Variants in CCDC73 observed in about 807,000 individuals in gnomAD.
CCDC73 encodes coiled-coil domain containing 73.
Under a neutral mutation model 116.5 loss-of-function variants are expected in CCDC73, and 95 were observed. That is an observed-to-expected ratio of 0.82 (90% confidence interval 0.69 to 0.97). The LOEUF is 0.97. Ranked by LOEUF, CCDC73 falls within the 50% of genes least tolerant of loss-of-function variation. The probability of loss-of-function intolerance (pLI) is 0.00; values close to 1 mark genes in which losing one functional copy is unlikely to be tolerated. For synonymous variants in CCDC73, 398 were observed against 401.3 expected, an observed-to-expected ratio of 0.99 and a Z score of 0.10; for missense variants, 1,066 against 1,206.8, an observed-to-expected ratio of 0.88 and a Z score of 1.73.
chr11:32,706,012 G>GAAAAAAA (rs3078271), intron 3 of CCDC73, among the ~76,000 whole-genome samples: 1 of 135,458 alleles, frequency 7.4e-6, no homozygotes, highest in African/African-American at 2.7e-5. Flanking sequence ...TATATCAGCT[G>GAAAAAAA]AAAAAAAAAA....
At chr11:32,661,382 T>C (rs1383542830) in intron 9 of CCDC73, among the ~76,000 whole-genome samples, 1 of 152,152 alleles carries the variant, frequency 6.6e-6, no homozygotes, top group Non-Finnish European at 1.5e-5. Context: ...ACATGTGCCA[T>C]GGTGGTTTCC....
At chr11:32,604,348 T>C (rs972995388) in intron 17 of CCDC73, 16 of 152,222 alleles carry the variant, frequency 1.1e-4, no homozygotes, top group Admixed American at 9.2e-4. Flanking sequence ...TGGGCTCAAG[T>C]GATCTGACCA....
chr11:32,815,354 A>G, the CCDC73 span, among the ~76,000 whole-genome samples: 3 of 144,566 alleles, frequency 2.1e-5, no homozygotes, highest in Non-Finnish European at 4.5e-5. Context: ...TTTTTTTTTG[A>G]GACAGAGTCT....
At chr11:32,604,817 T>C (rs992615925) in intron 17 of CCDC73, 1 of 152,146 alleles carries the variant, frequency 6.6e-6, no homozygotes. Context: ...GTTAGTAACA[T>C]TGTCATTTTC....
At chr11:32,647,102 C>G (rs1004984342) in intron 12 of CCDC73, among the ~76,000 whole-genome samples, 3 of 152,044 alleles carry the variant, frequency 2.0e-5, no homozygotes, top group Admixed American at 6.6e-5. Context: ...TTAGGTTGTT[C>G]TTGCATTGTT....
At chr11:32,744,503 C>G (rs1850217165) in intron 2 of CCDC73, among the ~76,000 whole-genome samples, 1 of 152,136 alleles carries the variant, frequency 6.6e-6, no homozygotes, top group African/African-American at 2.4e-5. Context: ...CTCTTTGTAC[C>G]TCTGGTAGAA....
intron 6 of CCDC73, among the ~76,000 whole-genome samples, chr11:32,687,439 C>A (rs1014236571): frequency 2.0e-5 from 3 of 152,036 alleles, no homozygotes; most frequent in Admixed American, 2.0e-4. Flanking sequence ...GAATGGTGGA[C>A]TGGTTATGTA....
At chr11:32,715,041 CT>C (rs1590609428) in intron 3 of CCDC73, among the ~76,000 whole-genome samples, 1 of 152,154 alleles carries the variant, frequency 6.6e-6, no homozygotes, top group East Asian at 1.9e-4. Context: ...ACAAAAAAAG[CT>C]TGCTAACACC....
chr11:32,762,821 C>A (rs971846214), intron 1 of CCDC73, among the ~76,000 whole-genome samples: 1 of 152,168 alleles, frequency 6.6e-6, no homozygotes, highest in Non-Finnish European at 1.5e-5. Context: ...CCAGGAAGTG[C>A]AAGGGGTCAG....
At chr11:32,755,691 A>ATG (rs1391531208) in intron 2 of CCDC73, among the ~76,000 whole-genome samples, 6 of 39,502 alleles carry the variant, frequency 1.5e-4, no homozygotes, top group Admixed American at 3.8e-4. Flanking sequence ...CTCCATATAT[A>ATG]TGTGTATATA....
At chr11:32,691,511 G>A (rs1370949650) in intron 6 of CCDC73, among the ~76,000 whole-genome samples, 1 of 151,994 alleles carries the variant, frequency 6.6e-6, no homozygotes, top group Non-Finnish European at 1.5e-5. Flanking sequence ...TATCTTCTTT[G>A]GTGAGATGTC....
the CCDC73 span, among the ~76,000 whole-genome samples, chr11:32,809,322 T>G: frequency 3.3e-5 from 5 of 151,608 alleles, no homozygotes; most frequent in East Asian, 9.7e-4. Context: ...CATGGAGGAG[T>G]AGATCCAGAA....
chr11:32,734,340 G>A (rs559791791), intron 2 of CCDC73, among the ~76,000 whole-genome samples: 1 of 151,870 alleles, frequency 6.6e-6, no homozygotes, highest in Non-Finnish European at 1.5e-5. Flanking sequence ...TCTACCAGAG[G>A]TACAAAGAGG....
chr11:32,617,064 T>C (rs1009431271), intron 14 of CCDC73, among the ~76,000 whole-genome samples: 2 of 152,132 alleles, frequency 1.3e-5, no homozygotes, highest in African/African-American at 2.4e-5. Flanking sequence ...ATTAAGAGTA[T>C]ATTTATGGAA....
At chr11:32,636,594 C>A (rs1452409573) in intron 13 of CCDC73, among the ~76,000 whole-genome samples, 12 of 151,998 alleles carry the variant, frequency 7.9e-5, no homozygotes, top group African/African-American at 2.9e-4. Context: ...AAAAGTTTCT[C>A]TTGAACAATT....
chr11:32,753,308 T>TC (rs1850304058), intron 2 of CCDC73, among the ~76,000 whole-genome samples: 2 of 144,324 alleles, frequency 1.4e-5, no homozygotes, highest in African/African-American at 2.7e-5. Context: ...TTTTTTTTTT[T>TC]TCTTTTTGAG....
chr11:32,758,754 A>G, intron 2 of CCDC73: 1 of 197,094 alleles, frequency 5.1e-6, no homozygotes, highest in South Asian at 9.0e-5. Context: ...TAAAATTTAA[A>G]ACATAATAAA....
chr11:32,758,581 G>A (rs565901317), intron 2 of CCDC73: 3 of 435,472 alleles, frequency 6.9e-6, no homozygotes, highest in African/African-American at 4.0e-5. Context: ...TTGTGAAAGT[G>A]TTGAAGGCAC....
At chr11:32,700,747 AAT>A (rs1849804359) in intron 5 of CCDC73, 42 bp downstream of exon 5, 1 of 928,644 alleles carries the variant, frequency 1.1e-6, no homozygotes, top group Non-Finnish European at 1.6e-6. Context: ...TGTAAAAGTA[AAT>A]ACTTTTTAAT....
Sources: gnomAD v4.1 joint callset for allele counts (sites outside exome capture counted in the v4.1 genomes callset) on GRCh38, gnomAD v4.1.1 for gene constraint, MANE v1.5 for transcripts, NCBI Gene and HGNC (gene_info 2026-07-23, HGNC 2026-07-21) for gene names.